The following VTI1A variants were observed in gnomAD, a reference collection of about 807,000 sequenced individuals.
The protein encoded by VTI1A is vesicle transport through interaction with t-SNAREs 1A.
VTI1A carries 22 observed loss-of-function variants against 34.9 expected under a neutral mutation model. The ratio of observed to expected loss-of-function variants is 0.63; its 90% CI spans 0.45 to 0.90. The LOEUF (loss-of-function observed/expected upper bound fraction) is 0.90, where lower values mean the gene tolerates loss of function less well. Among genes scored for constraint, VTI1A ranks in the 40% least tolerant of loss-of-function variants. VTI1A has a pLI of 0.00. For synonymous variants in VTI1A, 87 were observed against 97.3 expected (o/e 0.89, Z 0.62); for missense variants, 268 against 275.6 (o/e 0.97, Z 0.20).
At chr10:112,723,373 G>A (rs1849882283) in intron 7 of VTI1A, among the ~76,000 whole-genome samples, 1 of 152,216 alleles carries the variant, frequency 6.6e-6, no homozygotes, top group Non-Finnish European at 1.5e-5. Flanking sequence ...TCCCGATGAA[G>A]TGGAATGTTT....
chr10:112,499,719 T>G lies in VTI1A; in HGVS notation c.265-27368T>G, dbSNP rs1386025044. 2.6e-5 allele frequency among the ~76,000 whole-genome samples: 4 copies of G among 152,030 alleles called. No homozygotes were observed. In the East Asian group the frequency reaches 7.7e-4, roughly 29 times the overall value. ...TGGTTAACGCATATGTTGGTTATTC[T>G]AATTAATGTGCCATCTACACAGTTA... is the stretch of plus-strand genomic sequence containing the variant. On this transcript the variant is annotated intron_variant, in intron 3 of 7. Transcript: ENST00000393077.
chr10:112,648,502 A>G (rs903170581), intron 5 of VTI1A, among the ~76,000 whole-genome samples: 15 of 152,166 alleles, frequency 9.9e-5, no homozygotes, highest in Admixed American at 2.0e-4. Flanking sequence ...AATTAATTAA[A>G]TCATCTTTAG....
the VTI1A span, among the ~76,000 whole-genome samples, chr10:112,845,010 C>A: frequency 6.6e-6 from 1 of 152,190 alleles, no homozygotes; most frequent in Non-Finnish European, 1.5e-5. Flanking sequence ...TCACCGAGGT[C>A]CCACTGATGT....
At chr10:112,655,393 G>A (rs1320583441) in intron 5 of VTI1A, among the ~76,000 whole-genome samples, 2 of 152,088 alleles carry the variant, frequency 1.3e-5, no homozygotes, top group Non-Finnish European at 2.9e-5. Context: ...GGGGTAGCAG[G>A]GCTCCATGAA....
At chr10:112,808,185 T>C (rs1853154105) in intron 7 of VTI1A, among the ~76,000 whole-genome samples, 3 of 152,114 alleles carry the variant, frequency 2.0e-5, no homozygotes, top group South Asian at 4.1e-4. Context: ...ACCACTGCCC[T>C]CCAGCCTGGG....
intron 7 of VTI1A, among the ~76,000 whole-genome samples, chr10:112,730,901 G>A (rs1850231190): frequency 6.6e-6 from 1 of 152,156 alleles, no homozygotes; most frequent in Admixed American, 6.5e-5. Flanking sequence ...CTGCTATAAA[G>A]AAGCATCTTT....
At chr10:112,774,053 G>A (rs931421414) in intron 7 of VTI1A, among the ~76,000 whole-genome samples, 2 of 152,344 alleles carry the variant, frequency 1.3e-5, no homozygotes, top group Non-Finnish European at 2.9e-5. Context: ...CTTGGCTGAG[G>A]TGAGGCTGTG....
intron 3 of VTI1A, among the ~76,000 whole-genome samples, chr10:112,495,020 T>C (rs768681733): frequency 1.3e-5 from 2 of 152,072 alleles, no homozygotes; most frequent in Non-Finnish European, 2.9e-5. Context: ...GCTTTTAAGG[T>C]CTCAGTAATT....
intron 7 of VTI1A, among the ~76,000 whole-genome samples, chr10:112,720,471 T>C (rs1849763610): frequency 6.6e-6 from 1 of 152,220 alleles, no homozygotes; most frequent in African/African-American, 2.4e-5. Flanking sequence ...ATGTTGAACA[T>C]TTTTTCATGT....
At chr10:112,717,821 G>C (rs1160946154) in intron 7 of VTI1A, among the ~76,000 whole-genome samples, 1 of 152,296 alleles carries the variant, frequency 6.6e-6, no homozygotes, top group Non-Finnish European at 1.5e-5. Context: ...GTGGCAGGTT[G>C]ACGAAGACCA....
At chr10:112,456,295 G>A (rs143913618) in intron 1 of VTI1A, among the ~76,000 whole-genome samples, 48 of 152,078 alleles carry the variant, frequency 3.2e-4, no homozygotes, top group South Asian at 1.7e-3. Context: ...GGTGGCGCAT[G>A]CCTGTAGTCC....
the VTI1A span, among the ~76,000 whole-genome samples, chr10:112,835,866 AG>A: frequency 6.6e-6 from 1 of 152,204 alleles, no homozygotes. Flanking sequence ...TTTTAAATTC[AG>A]GTGGAGAAAA....
At chr10:112,620,683 G>C (rs1272875582) in intron 5 of VTI1A, among the ~76,000 whole-genome samples, 1 of 151,870 alleles carries the variant, frequency 6.6e-6, no homozygotes, top group Non-Finnish European at 1.5e-5. Context: ...TCAGCTACTT[G>C]GGAGGCTGAG....
intron 5 of VTI1A, among the ~76,000 whole-genome samples, chr10:112,588,633 T>C (rs1283223149): frequency 6.6e-6 from 1 of 152,208 alleles, no homozygotes; most frequent in Non-Finnish European, 1.5e-5. Context: ...AAAGGCAGGC[T>C]CTTTCCTGAG....
At position 112,559,485 on chromosome 10, in the gene VTI1A, C is replaced by T. The variant is rs534401471; in HGVS notation, c.427+21155C>T. ...TAGAGCGATGGTGTAGGGGGAAAAC[C>T]TGGCCTTTTGTTCTTTACATCTGAA... On this transcript the variant is annotated intron_variant, in intron 5 of 7. Coordinates refer to ENST00000393077, the MANE Select transcript of VTI1A (RefSeq NM_145206.4). 4.6e-5 allele frequency among the ~76,000 whole-genome samples: 7 copies of T among 152,162 alleles called. 1 individual carries two copies. In the South Asian group the frequency reaches 1.5e-3, roughly 32 times the overall value.
At chr10:112,645,438 C>G (rs1455825612) in intron 5 of VTI1A, among the ~76,000 whole-genome samples, 1 of 152,166 alleles carries the variant, frequency 6.6e-6, no homozygotes, top group African/African-American at 2.4e-5. Flanking sequence ...AGAGCAGCTT[C>G]CCTAGCATGT....
chr10:112,849,588 G>A, the VTI1A span, among the ~76,000 whole-genome samples: 1 of 152,210 alleles, frequency 6.6e-6, no homozygotes. Context: ...GGAGGGGGCA[G>A]CCCTGAGGAA....
chr10:112,654,930 C>G (rs1847173586), intron 5 of VTI1A, among the ~76,000 whole-genome samples: 1 of 152,148 alleles, frequency 6.6e-6, no homozygotes, highest in African/African-American at 2.4e-5. Flanking sequence ...ATAAATTCTC[C>G]CACTTCCTCT....
chr10:112,747,342 G>C (rs1850933045), intron 7 of VTI1A, among the ~76,000 whole-genome samples: 1 of 152,200 alleles, frequency 6.6e-6, no homozygotes, highest in Non-Finnish European at 1.5e-5. Flanking sequence ...GAACATTACA[G>C]AGTGTGCTTA....
Sources: allele counts gnomAD v4.1 joint callset (sites outside exome capture counted in the v4.1 genomes callset), GRCh38; gene constraint gnomAD v4.1.1; transcripts MANE v1.5; gene names NCBI Gene and HGNC (gene_info 2026-07-23, HGNC 2026-07-21).